Variants in ROBO1 observed in about 807,000 individuals in gnomAD.
ROBO1 encodes roundabout guidance receptor 1.
In ROBO1, 149 loss-of-function variants were observed where a neutral mutation model predicts 195.9. That is an observed-to-expected ratio of 0.76 (90% CI 0.67 to 0.87). The LOEUF is 0.87. ROBO1 is among the 40% of genes least tolerant of loss of function. ROBO1 has a pLI of 0.00. For missense variants in ROBO1, 1,933 were observed against 2,068.3 expected, an observed-to-expected ratio of 0.93 and a Z score of 1.27; for synonymous variants, 816 against 733.2, an observed-to-expected ratio of 1.11 and a Z score of -1.82.
intron 1 of ROBO1, among the ~76,000 whole-genome samples, chr3:79,723,522 C>T (rs564767997): frequency 3.9e-5 from 6 of 152,234 alleles, no homozygotes; most frequent in African/African-American, 1.4e-4. Context: ...TTATCCCCTA[C>T]TCCCTAAAAT....
At chr3:79,116,833 T>C (rs908145235) in intron 3 of ROBO1, among the ~76,000 whole-genome samples, 8 of 152,116 alleles carry the variant, frequency 5.3e-5, no homozygotes, top group Non-Finnish European at 1.2e-4. Context: ...AAATTACCTC[T>C]AGATTACTTA....
At chr3:79,373,883 C>G (rs1294812175) in intron 2 of ROBO1, among the ~76,000 whole-genome samples, 2 of 152,142 alleles carry the variant, frequency 1.3e-5, no homozygotes, top group Admixed American at 6.5e-5. Context: ...ACCTTTAGAT[C>G]TATAAAGCAA....
intron 4 of ROBO1, among the ~76,000 whole-genome samples, chr3:78,802,169 A>G (rs1195318259): frequency 1.3e-5 from 2 of 152,182 alleles, no homozygotes; most frequent in Admixed American, 1.3e-4. Context: ...CAGACATTGA[A>G]GGGTGTCAGC....
chr3:78,997,891 G>C (rs1250434018), intron 3 of ROBO1, among the ~76,000 whole-genome samples: 2 of 152,166 alleles, frequency 1.3e-5, no homozygotes, highest in Non-Finnish European at 2.9e-5. Context: ...TGTGGGGAAA[G>C]AGAAGGTCTA....
intron 4 of ROBO1, among the ~76,000 whole-genome samples, chr3:78,756,922 T>C (rs1220945807): frequency 6.6e-6 from 1 of 152,126 alleles, no homozygotes; most frequent in Non-Finnish European, 1.5e-5. Flanking sequence ...TTCACTCTTG[T>C]CACCCAGGCT....
chr3:79,742,939 G>C (rs1703711090), intron 1 of ROBO1, among the ~76,000 whole-genome samples: 1 of 152,122 alleles, frequency 6.6e-6, no homozygotes, highest in Non-Finnish European at 1.5e-5. Flanking sequence ...AATCAGGCAA[G>C]GGAATTTTTA....
chr3:79,617,281 G>C (rs1248299818), intron 1 of ROBO1, among the ~76,000 whole-genome samples: 2 of 152,108 alleles, frequency 1.3e-5, no homozygotes, highest in African/African-American at 4.8e-5. Flanking sequence ...TGGACTGGAG[G>C]CTGAATTTCA....
chr3:79,037,526 G>A (rs138212493), intron 3 of ROBO1, among the ~76,000 whole-genome samples: 111 of 152,146 alleles, frequency 7.3e-4, no homozygotes, highest in African/African-American at 2.4e-3. Flanking sequence ...GATGTCAGAA[G>A]GAATAAATAT....
At chr3:78,919,447 G>T (rs561530490) in intron 4 of ROBO1, among the ~76,000 whole-genome samples, 10 of 152,306 alleles carry the variant, frequency 6.6e-5, no homozygotes, top group Admixed American at 3.3e-4. Flanking sequence ...GCTGAACATG[G>T]CCCAAGAACA....
intron 2 of ROBO1, among the ~76,000 whole-genome samples, chr3:79,469,863 TA>T (rs1938170868): frequency 6.6e-6 from 1 of 152,160 alleles, no homozygotes; most frequent in African/African-American, 2.4e-5. Flanking sequence ...AAAGTGTCAG[TA>T]CCAGGATCGA....
At chr3:79,000,159 A>G (rs537534913) in intron 3 of ROBO1, among the ~76,000 whole-genome samples, 1 of 152,254 alleles carries the variant, frequency 6.6e-6, no homozygotes, top group East Asian at 1.9e-4. Flanking sequence ...GAAACTTACA[A>G]CCATGGTGGA....
chr3:79,140,265 C>T (rs1245233609), intron 2 of ROBO1, among the ~76,000 whole-genome samples: 1 of 152,070 alleles, frequency 6.6e-6, no homozygotes, highest in African/African-American at 2.4e-5. Context: ...AAGTAAGATT[C>T]ACATGTTTTG....
chr3:78,913,081 T>C (rs539710683), intron 4 of ROBO1, among the ~76,000 whole-genome samples: 1 of 152,300 alleles, frequency 6.6e-6, no homozygotes, highest in African/African-American at 2.4e-5. Context: ...AAATGTATAT[T>C]TACCATTATA....
At chr3:79,530,792 CACACACACACACAT>C (rs1388795340) in intron 2 of ROBO1, among the ~76,000 whole-genome samples, 1 of 144,728 alleles carries the variant, frequency 6.9e-6, no homozygotes, top group African/African-American at 2.7e-5. Context: ...CACACACACA[CACACACACACACAT>C]CCTTCCCTGG....
intron 21 of ROBO1, among the ~76,000 whole-genome samples, chr3:78,644,582 G>A (rs28497208): frequency 0.033 from 5,077 of 152,054 alleles, 308 homozygotes; most frequent in African/African-American, 0.12. Context: ...TCACTGACAG[G>A]GATTTTATTT....
intron 2 of ROBO1, among the ~76,000 whole-genome samples, chr3:79,584,134 G>A (rs1057267864): frequency 3.3e-5 from 5 of 151,354 alleles, no homozygotes; most frequent in Admixed American, 6.6e-5. Flanking sequence ...ATTTCACATC[G>A]GTGAAAGAAT....
rs190812813 is a variant in ROBO1, at chr3:79,313,042, C to A, written c.89-187503G>T. On this transcript the variant is annotated intron_variant, in intron 2 of 30. Transcript: ENST00000464233. ...TTCTGGTGTATTTCCAAAAAATTAG[C>A]AGGGGGCGGTGGTGGGCACCTGTAG... is the stretch of plus-strand genomic sequence containing the variant. 4.7e-3 allele frequency among the ~76,000 whole-genome samples: 711 copies of A among 151,476 alleles called. 11 individuals are homozygous for A. The highest frequency in any genetic ancestry group is 0.022 in the Admixed American group (334 of 15,220).
At chr3:78,876,366 GT>G (rs1371405696) in intron 4 of ROBO1, among the ~76,000 whole-genome samples, 1 of 152,030 alleles carries the variant, frequency 6.6e-6, no homozygotes, top group Non-Finnish European at 1.5e-5. Flanking sequence ...ATTATATCTT[GT>G]TTTTATGAAG....
intron 2 of ROBO1, among the ~76,000 whole-genome samples, chr3:79,290,876 T>TA (rs2032201613): frequency 6.6e-6 from 1 of 152,126 alleles, no homozygotes; most frequent in Admixed American, 6.5e-5. Flanking sequence ...GTCATCTAAT[T>TA]CTCTCCAGGT....
Sources: allele counts gnomAD v4.1 joint callset (sites outside exome capture counted in the v4.1 genomes callset), GRCh38; gene constraint gnomAD v4.1.1; transcripts MANE v1.5; gene names NCBI Gene and HGNC (gene_info 2026-07-23, HGNC 2026-07-21).